The following RAPGEF3 variants were observed in gnomAD, a reference collection of about 807,000 sequenced individuals.
The protein encoded by RAPGEF3 is 9330170P05Rik.
Under a neutral mutation model 129.8 loss-of-function variants are expected in RAPGEF3, and 103 were observed. That is an observed-to-expected ratio of 0.79 (90% CI 0.68 to 0.93). The LOEUF (loss-of-function observed/expected upper bound fraction) is 0.93, where lower values mean the gene tolerates loss of function less well. Ranked by LOEUF, RAPGEF3 falls within the 40% of genes least tolerant of loss-of-function variation. The pLI, the probability that RAPGEF3 is intolerant of heterozygous loss-of-function variation, is 0.00. For synonymous variants in RAPGEF3, 436 were observed against 482.6 expected (o/e 0.90, Z 1.26); for missense variants, 1,117 against 1,207.4 (o/e 0.93, Z 1.11).
At chr12:47,741,162 G>C (rs994240992) in intron 19 of RAPGEF3, 122 bp from the exon 20 acceptor site, 8 of 1,259,540 alleles carry the variant, frequency 6.4e-6, no homozygotes, top group Middle Eastern at 2.7e-4. Flanking sequence ...GAGGGCAGGA[G>C]TGGGGAGTAG....
chr12:47,738,922 AG>A, intron 24 of RAPGEF3, 168 bp from the exon 25 acceptor site: 1 of 727,832 alleles, frequency 1.4e-6, no homozygotes, highest in Non-Finnish European at 2.3e-6. Context: ...TAGGCCCTGA[AG>A]GCAGCCCGTA....
At chr12:47,755,001 A>G (rs753714541) in intron 2 of RAPGEF3, among the ~76,000 whole-genome samples, 2 of 152,232 alleles carry the variant, frequency 1.3e-5, no homozygotes, top group Non-Finnish European at 1.5e-5. Context: ...CTGTCAGACC[A>G]GTTCCCTTGG....
rs61733249 is a variant in RAPGEF3, at chr12:47,748,100, G to C, written c.1296C>G (p.Ala432=). The C allele has an allele frequency of 6.3e-7, 1 of 1,588,664 alleles. No individual in the cohort carries two copies. Among genetic ancestry groups the C allele is most frequent in the East Asian group, 2.3e-5 (1 of 43,810 alleles). ...GGTGCAGAAGGGCAGCGCAGAGTTG[G>C]GCGCTGGGCATGAAGACCCTGTGGG... ...LLTHRVFMPS[A]QLCAALLHHF... Residue 432 remains alanine, a synonymous_variant, in exon 13 of 28, where the codon GCC becomes GCG. Coordinates refer to ENST00000449771, the MANE Select transcript of RAPGEF3 (RefSeq NM_001098531.4).
chr12:47,750,092 G>T, intron 7 of RAPGEF3, 102 bp from the exon 8 acceptor site: 1 of 1,376,920 alleles, frequency 7.3e-7, no homozygotes, highest in Non-Finnish European at 1.0e-6. Flanking sequence ...AAGTGCTGGG[G>T]GACAAAGATG....
Position 47,749,115 on chromosome 12 carries a change from C to T in RAPGEF3, c.1042-184G>A. On this transcript the variant is annotated intron_variant, in intron 10 of 27. Transcript: ENST00000449771. The surrounding 1 kb of genome is among the most constrained non-coding windows in gnomAD (Gnocchi z 4.5). The stretch of plus-strand genomic sequence containing the variant: ...CCTACCTTCCATGCATCCTGCCTCC[C>T]CCACAGCCTAGTCCCCCGCCCCCTG... 1.5e-6 allele frequency: 1 copy of T among 648,412 alleles called. No homozygotes were observed. Among genetic ancestry groups the T allele is most frequent in the Non-Finnish European group, 2.7e-6 (1 of 373,464 alleles). 40.2% of individuals were successfully genotyped at this position (648,412 alleles called of 1,614,324 possible).
rs774658992 is a variant in RAPGEF3 at position 47,749,845 on chromosome 12, C to A, written c.818-28G>T. 6.2e-7 allele frequency: 1 copy of A among 1,614,072 alleles called. No individual in the cohort carries two copies. The highest frequency in any genetic ancestry group is 1.7e-5 in the Admixed American group (1 of 60,036). On this transcript the variant is annotated intron_variant, in intron 8 of 27. Coordinates refer to ENST00000449771, the MANE Select transcript of RAPGEF3 (RefSeq NM_001098531.4). The surrounding 1 kb of genome is among the most constrained non-coding windows in gnomAD (Gnocchi z 4.5). ...GACAGAAGCATACCTCAGACCGGGC[C>A]CTCCTGGCACCTACCATTCCTTCAC...
At chr12:47,737,730 G>A (rs751533325) in intron 27 of RAPGEF3, 45 bp from the exon 28 acceptor site, 12 of 1,549,720 alleles carry the variant, frequency 7.7e-6, no homozygotes, top group Non-Finnish European at 9.8e-6. Context: ...CCCCTTTGTG[G>A]AACCCAACCT....
In RAPGEF3 at chr12:47,749,353, G is replaced by A. The variant is rs375923456; in HGVS notation, c.1041+37C>T. On this transcript the variant is annotated intron_variant, in intron 10 of 27. Transcript: ENST00000449771. The surrounding 1 kb of genome is among the most constrained non-coding windows in gnomAD (Gnocchi z 4.5). ...CTCTCTCCACATCACTTCTCTGGAC[G>A]AATGGCCCCTGCCCTCCCCAACCCC... 6.8e-6 allele frequency: 11 copies of A among 1,607,394 alleles called. No homozygotes were observed. Among genetic ancestry groups the A allele is most frequent in the East Asian group, 4.5e-5 (2 of 44,860 alleles).
At position 47,746,461 on chromosome 12, in the gene RAPGEF3, C is replaced by A. The variant is rs193107648; in HGVS notation, c.1596+399G>T. On this transcript the variant is annotated intron_variant, in intron 16 of 27. Coordinates refer to ENST00000449771, the MANE Select transcript of RAPGEF3 (RefSeq NM_001098531.4). Reference sequence around the variant, plus strand: ...AGCCCCAGCTGAGAATGGCCTGGGGCCCCCTCTGACTTTCCAGGGAGGGGC... The same window carrying A: ...AGCCCCAGCTGAGAATGGCCTGGGGACCCCTCTGACTTTCCAGGGAGGGGC... 2,082 of 560,936 alleles carry A rather than the reference C, an allele frequency of 3.7e-3. 8 individuals are homozygous for A. Among genetic ancestry groups the A allele is most frequent in the Non-Finnish European group, 4.9e-3 (1,593 of 323,334 alleles). 34.7% of individuals were successfully genotyped at this position (560,936 alleles called of 1,614,324 possible).
Position 47,749,698 on chromosome 12 carries a change from G to GT in RAPGEF3, c.894+42dup, listed in dbSNP as rs1311799316. The stretch of plus-strand genomic sequence containing the variant: ...CCATGAGGACATGGACCAGGGAGCA[G>GT]TTAGGACCCAGGGCACTGGGGTGGG... On this transcript the variant is annotated intron_variant, in intron 9 of 27. Coordinates refer to ENST00000449771, the MANE Select transcript of RAPGEF3 (RefSeq NM_001098531.4). This position sits in a 1 kb window ranked among gnomAD's most constrained non-coding sequence, Gnocchi z 4.5. 5.0e-6 allele frequency: 8 copies of GT among 1,611,084 alleles called. No individual in the cohort carries two copies. In the Admixed American group the frequency reaches 1.3e-4, roughly 27 times the overall value.
At chr12:47,741,735 G>A (rs1280361896) in intron 18 of RAPGEF3, 133 bp from the exon 19 acceptor site, 13 of 726,964 alleles carry the variant, frequency 1.8e-5, no homozygotes, top group Non-Finnish European at 3.1e-5. Flanking sequence ...AGTCCTGGGT[G>A]GTGCTCAGAA....
intron 16 of RAPGEF3, chr12:47,746,454 C>T (rs1941421361): frequency 3.6e-6 from 2 of 558,478 alleles, no homozygotes; most frequent in Non-Finnish European, 6.2e-6. Flanking sequence ...CTGAGAATGG[C>T]CTGGGGCCCC....
At position 47,741,564 on chromosome 12, in the gene RAPGEF3, T is replaced by C. The variant is rs371160640; in HGVS notation, c.1864A>G (p.Thr622Ala). The change falls in exon 19 of 28, where the codon ACA (threonine) becomes GCA (alanine). Residue 622 changes from threonine to alanine, a missense_variant. This residue lies in a region of RAPGEF3 where 643 missense variants were observed against 673.4 expected (regional missense o/e 0.95). Coordinates refer to ENST00000449771, the MANE Select transcript of RAPGEF3 (RefSeq NM_001098531.4). ...GLQPDARGVA[T>A]SLGLNERLFV... is the part of the protein sequence containing the mutation. Reference sequence around the variant, plus strand: ...AGACGCTCATTGAGCCCCAGAGATGTGGCCACACCACGGGCATCTGGCTGC... The same window carrying C: ...AGACGCTCATTGAGCCCCAGAGATGCGGCCACACCACGGGCATCTGGCTGC... The C allele has an allele frequency of 2.5e-6, 4 of 1,611,712 alleles. No homozygotes were observed. The highest frequency in any genetic ancestry group is 2.2e-5 in the East Asian group (1 of 44,738).
rs1273995648 is a variant in RAPGEF3, at chr12:47,739,047, A to G, written c.2461+96T>C. 57 of 1,099,336 alleles carry G rather than the reference A, an allele frequency of 5.2e-5. No individual in the cohort carries two copies. The East Asian group carries it at 1.4e-3, about 26-fold the overall frequency. 68.1% of individuals were successfully genotyped at this position (1,099,336 alleles called of 1,614,324 possible). A position where few individuals can be genotyped will look rare whatever the true frequency, so the allele number is the denominator to read the frequency against. ...TCCAACAGAGTGGGTGCACACACAG[A>G]TAGGCATGGGATGGGGGATGGAGGC... On this transcript the variant is annotated intron_variant, in intron 24 of 27. Transcript: ENST00000449771.
At chr12:47,739,355 C>A in intron 23 of RAPGEF3, 125 bp from the exon 24 acceptor site, 1 of 771,902 alleles carries the variant, frequency 1.3e-6, no homozygotes, top group South Asian at 1.4e-5. Context: ...AGCCTCTCCT[C>A]AGCCCCAGGT....
chr12:47,744,463 GTAT>G (rs1216306226), intron 16 of RAPGEF3: 3 of 215,234 alleles, frequency 1.4e-5, no homozygotes, highest in Non-Finnish European at 2.8e-5. Context: ...TTTGACAAAA[GTAT>G]TATTTTTATT....
At chr12:47,742,264 G>A (rs1264255427) in intron 18 of RAPGEF3, 1 of 152,238 alleles carries the variant, frequency 6.6e-6, no homozygotes, top group African/African-American at 2.4e-5. Context: ...ACACAGTGGG[G>A]TGTGGGTTTT....
chr12:47,745,480 T>C (rs1470361314), intron 16 of RAPGEF3: 3 of 152,598 alleles, frequency 2.0e-5, no homozygotes, highest in African/African-American at 7.2e-5. Flanking sequence ...GTCCTACTCT[T>C]ACTCTCGCTC....
chr12:47,740,081 G>A, intron 23 of RAPGEF3, 60 bp downstream of exon 23: 1 of 1,550,856 alleles, frequency 6.4e-7, no homozygotes, highest in Non-Finnish European at 8.8e-7. Context: ...GGTGTCTGGA[G>A]GGCAGGGCCG....
Sources: gnomAD v4.1 joint callset for allele counts (sites outside exome capture counted in the v4.1 genomes callset) on GRCh38, gnomAD v4.1.1 for gene constraint, gnomAD v4.1.1 regional missense constraint, Gnocchi (gnomAD v3.1) non-coding constraint, MANE v1.5 for transcripts, NCBI Gene and HGNC (gene_info 2026-07-23, HGNC 2026-07-21) for gene names.